Variants in NMU observed in about 807,000 individuals in gnomAD.
NMU encodes neuromedin U.
In NMU, 29 loss-of-function variants were observed where a neutral mutation model predicts 35.4. The ratio of observed to expected loss-of-function variants is 0.82; its 90% CI spans 0.61 to 1.12. NMU has a LOEUF of 1.12. NMU is among the 50% of genes most tolerant of loss of function. The pLI is 0.00. For synonymous variants in NMU, 78 were observed against 81.3 expected, an observed-to-expected ratio of 0.96 and a Z score of 0.22; for missense variants, 199 against 206.2, an observed-to-expected ratio of 0.97 and a Z score of 0.21.
intron 9 of NMU, among the ~76,000 whole-genome samples, chr4:55,597,780 C>T (rs781438635): frequency 6.6e-6 from 1 of 152,120 alleles, no homozygotes; most frequent in Non-Finnish European, 1.5e-5. Flanking sequence ...ATTAGACAAT[C>T]CTCCATTTTA....
chr4:55,600,424 C>T, intron 8 of NMU, 98 bp downstream of exon 8: 1 of 838,012 alleles, frequency 1.2e-6, no homozygotes, highest in South Asian at 1.5e-5. Context: ...CATCTATAAA[C>T]TTTAAAACTT....
intron 2 of NMU, among the ~76,000 whole-genome samples, chr4:55,619,735 G>C (rs1157909581): frequency 2.8e-5 from 4 of 141,988 alleles, no homozygotes; most frequent in African/African-American, 1.0e-4. Flanking sequence ...CAAAAAGACA[G>C]CAGTAACCTC....
chr4:55,605,918 G>T (rs893501102), intron 6 of NMU, among the ~76,000 whole-genome samples: 6 of 152,186 alleles, frequency 3.9e-5, no homozygotes, highest in Non-Finnish European at 5.9e-5. Context: ...ATGTAAAGGT[G>T]TCAAGCCAAA....
intron 2 of NMU, among the ~76,000 whole-genome samples, chr4:55,630,034 T>G (rs1734694237): frequency 2.5e-5 from 2 of 78,988 alleles, no homozygotes; most frequent in Non-Finnish European, 5.0e-5. Context: ...TTTCCATCCT[T>G]TTATACTTAG....
intron 7 of NMU, among the ~76,000 whole-genome samples, chr4:55,604,556 G>A (rs1457392666): frequency 2.1e-5 from 3 of 143,446 alleles, no homozygotes; most frequent in Admixed American, 7.0e-5. Context: ...TTTTTGAGAC[G>A]GAGTCTTGCT....
intron 6 of NMU, among the ~76,000 whole-genome samples, chr4:55,606,473 A>G (rs967855524): frequency 2.0e-5 from 3 of 152,206 alleles, no homozygotes; most frequent in African/African-American, 7.2e-5. Flanking sequence ...TAATAAGAAG[A>G]TCTTACGAAT....
At chr4:55,595,621 GTGTATATA>G (rs1235744667) in intron 9 of NMU, among the ~76,000 whole-genome samples, 1 of 93,084 alleles carries the variant, frequency 1.1e-5, no homozygotes, top group African/African-American at 4.7e-5. Flanking sequence ...ATGTGTGTGT[GTGTATATA>G]TATATATATA....
chr4:55,604,160 G>A (rs1175729806), intron 7 of NMU, among the ~76,000 whole-genome samples: 2 of 146,488 alleles, frequency 1.4e-5, no homozygotes, highest in Admixed American at 7.0e-5. Flanking sequence ...CTGCCTCCCC[G>A]GTTCAAGCGA....
chr4:55,600,538 C>T lies in NMU; in HGVS notation c.473G>A (p.Gly158Glu). 1 of 1,610,040 alleles carries T rather than the reference C, an allele frequency of 6.2e-7. No individual in the cohort carries two copies. Among genetic ancestry groups the T allele is most frequent in the Non-Finnish European group, 8.5e-7 (1 of 1,176,642 alleles). Residue 158 changes from glycine to glutamate, a missense_variant, in exon 8 of 10, where the codon GGA becomes GAA. Physicochemically the swap from Gly to Glu is moderately conservative, Grantham distance 98. Coordinates refer to ENST00000264218, the MANE Select transcript of NMU (RefSeq NM_006681.4). ...FQSPFASQSR[G>E]YFLFRPRNGR... ...TGTACCTACCCTGAATAAAAAATAT[C>T]CTCGACTTTGACTTGCAAAGGGACT...
intron 9 of NMU, among the ~76,000 whole-genome samples, chr4:55,595,638 TA>T (rs1272871769): frequency 0.022 from 2,343 of 107,690 alleles, 52 homozygotes; most frequent in East Asian, 0.067. Flanking sequence ...TATATATATA[TA>T]TATATTTTTT....
rs181185648 is a variant in NMU at position 55,607,833 on chromosome 4, A to G, written c.280-367T>C. On this transcript the variant is annotated intron_variant, in intron 4 of 9. Transcript: ENST00000264218. Reference sequence around the variant, plus strand: ...TCACATGCAAATATTTTTACTGTTTATCACTAAATATGAAGGTTATGAGTT... The same window carrying G: ...TCACATGCAAATATTTTTACTGTTTGTCACTAAATATGAAGGTTATGAGTT... Among the ~76,000 whole-genome samples the G allele has an allele frequency of 3.3e-4, 51 of 152,340 alleles. 1 individual carries two copies. Among genetic ancestry groups the G allele is most frequent in the Admixed American group, 2.0e-3 (31 of 15,304 alleles).
intron 1 of NMU, among the ~76,000 whole-genome samples, chr4:55,635,052 C>T (rs188299328): frequency 6.6e-6 from 1 of 152,234 alleles, no homozygotes; most frequent in Admixed American, 6.5e-5. Flanking sequence ...TTTAAGTACC[C>T]AACGTTCTGA....
chr4:55,604,679 A>ATTTTTTT (rs767568542), intron 7 of NMU, among the ~76,000 whole-genome samples: 4,058 of 47,508 alleles, frequency 0.085, 633 homozygotes, highest in Middle Eastern at 0.16. Context: ...TGCCTGGCTA[A>ATTTTTTT]TTTTTTTTTT....
At chr4:55,607,241 A>C in intron 6 of NMU, 57 bp downstream of exon 6, 4 of 1,278,994 alleles carry the variant, frequency 3.1e-6, no homozygotes, top group Non-Finnish European at 3.4e-6. Flanking sequence ...CTGCAAAAAC[A>C]GTTTCATTCT....
intron 2 of NMU, among the ~76,000 whole-genome samples, chr4:55,620,099 G>A (rs1345309163): frequency 1.2e-5 from 1 of 84,700 alleles, no homozygotes; most frequent in African/African-American, 3.9e-5. Context: ...ACTCTAAAAC[G>A]CAGAGCGCCT....
chr4:55,636,044 C>A lies in NMU; in HGVS notation c.112+37G>T. 6.5e-7 allele frequency: 1 copy of A among 1,532,714 alleles called. No individual in the cohort carries two copies. Among genetic ancestry groups the A allele is most frequent in the South Asian group, 1.2e-5 (1 of 83,978 alleles). The allele number at this position is 1,532,714 out of a possible 1,614,324, so 94.9% of individuals were successfully genotyped here. A position where few individuals can be genotyped will look rare whatever the true frequency, so the allele number is the denominator to read the frequency against. On this transcript the variant is annotated intron_variant, in intron 1 of 9. Coordinates refer to ENST00000264218, the MANE Select transcript of NMU (RefSeq NM_006681.4). This position sits in a 1 kb window ranked among gnomAD's most constrained non-coding sequence, Gnocchi z 4.0. ...GTGAGTGGAGCCAGAGAGAGGCGCG[C>A]ATGGCGTGGAAGCGGCCGGGTGCGG...
At chr4:55,632,197 G>A (rs1715639321) in intron 1 of NMU, among the ~76,000 whole-genome samples, 1 of 152,086 alleles carries the variant, frequency 6.6e-6, no homozygotes, top group Non-Finnish European at 1.5e-5. Context: ...ACTACATATT[G>A]GGTACAGTGT....
At position 55,607,787 on chromosome 4, in the gene NMU, C is replaced by G. The variant is rs1733752694; in HGVS notation, c.280-321G>C. On this transcript the variant is annotated intron_variant, in intron 4 of 9. Transcript: ENST00000264218. Reference sequence around the variant, plus strand: ...TTATATCATGACATGATGGAATATTCAGAGGAGAAGACTGAAAGAATCACA... The same window carrying G: ...TTATATCATGACATGATGGAATATTGAGAGGAGAAGACTGAAAGAATCACA... 3.3e-5 allele frequency among the ~76,000 whole-genome samples: 5 copies of G among 152,268 alleles called. No homozygotes were observed. The South Asian group carries it at 1.0e-3, about 32-fold the overall frequency.
chr4:55,619,182 C>G (rs1325171191), intron 2 of NMU, among the ~76,000 whole-genome samples: 1 of 151,986 alleles, frequency 6.6e-6, no homozygotes, highest in Admixed American at 6.6e-5. Context: ...CGAATAGGAA[C>G]AGCTCCGGTC....
Sources: gnomAD v4.1 joint callset for allele counts (sites outside exome capture counted in the v4.1 genomes callset) on GRCh38, gnomAD v4.1.1 for gene constraint, Gnocchi (gnomAD v3.1) non-coding constraint, MANE v1.5 for transcripts, NCBI Gene and HGNC (gene_info 2026-07-23, HGNC 2026-07-21) for gene names.